RGS5: variants seen among roughly 807,000 people sequenced by gnomAD.
RGS5 encodes regulator of G protein signaling 5.
In RGS5, 20 loss-of-function variants were observed where a neutral mutation model predicts 18.9. That is an observed-to-expected ratio of 1.06 (90% CI 0.74 to 1.54). The LOEUF (loss-of-function observed/expected upper bound fraction) is 1.54, where lower values mean the gene tolerates loss of function less well. Among genes scored for constraint, RGS5 ranks in the 40% most tolerant of loss-of-function variants. The pLI is 0.00. For missense variants in RGS5, 201 were observed against 211.8 expected, an observed-to-expected ratio of 0.95 and a Z score of 0.32; for synonymous variants, 57 against 76.2, an observed-to-expected ratio of 0.75 and a Z score of 1.31.
chr1:163,243,343 C>T (rs1647839455), intron 2 of RGS5, among the ~76,000 whole-genome samples: 1 of 151,996 alleles, frequency 6.6e-6, no homozygotes, highest in East Asian at 1.9e-4. Context: ...TTAATGCATG[C>T]AGGGCTTAAA....
rs772276246 is a variant in RGS5 at position 163,142,307 on chromosome 1, T to C, written c.*5035A>G. Reference sequence around the variant, plus strand: ...AAGGAGGACTCATATGAGGCTGTTATATAGATATATATTTAATATAATATG... The same window carrying C: ...AAGGAGGACTCATATGAGGCTGTTACATAGATATATATTTAATATAATATG... On this transcript the variant is annotated 3_prime_UTR_variant, in exon 5 of 5. Coordinates refer to ENST00000313961, the MANE Select transcript of RGS5 (RefSeq NM_003617.4). 6.6e-6 allele frequency: 1 copy of C among 152,180 alleles called. No individual in the cohort carries two copies. The highest frequency in any genetic ancestry group is 1.5e-5 in the Non-Finnish European group (1 of 68,030). The allele number at this position is 152,180 out of a possible 1,614,324, so 9.4% of individuals were successfully genotyped here. A position where few individuals can be genotyped will look rare whatever the true frequency, so the allele number is the denominator to read the frequency against.
intron 3 of RGS5, among the ~76,000 whole-genome samples, chr1:163,160,801 A>G (rs1436356334): frequency 7.2e-5 from 11 of 152,334 alleles, no homozygotes; most frequent in Admixed American, 6.5e-4. Context: ...TTCTTGTTAT[A>G]AAGATGGAGA....
At chr1:163,193,640 A>C (rs1378561098) in intron 1 of RGS5, among the ~76,000 whole-genome samples, 1 of 152,130 alleles carries the variant, frequency 6.6e-6, no homozygotes. Flanking sequence ...TATGTTCCTA[A>C]TCTGGTTGGA....
At chr1:163,167,894 A>C (rs921730653) in intron 2 of RGS5, among the ~76,000 whole-genome samples, 1 of 152,304 alleles carries the variant, frequency 6.6e-6, no homozygotes, top group Admixed American at 6.5e-5. Flanking sequence ...GCTCATAATT[A>C]ACTGGATCAG....
At chr1:163,226,412 C>A (rs917193128) in intron 2 of RGS5, among the ~76,000 whole-genome samples, 2 of 152,122 alleles carry the variant, frequency 1.3e-5, no homozygotes, top group Non-Finnish European at 2.9e-5. Flanking sequence ...TGGAGTTAAA[C>A]TTAAAAGTTT....
chr1:163,233,126 A>C (rs1046742921), intron 2 of RGS5, among the ~76,000 whole-genome samples: 1 of 152,240 alleles, frequency 6.6e-6, no homozygotes, highest in Non-Finnish European at 1.5e-5. Flanking sequence ...TTTTTAAAAA[A>C]TATTTCTCCA....
At chr1:163,240,808 C>T (rs1021452448) in intron 2 of RGS5, among the ~76,000 whole-genome samples, 1 of 152,194 alleles carries the variant, frequency 6.6e-6, no homozygotes, top group African/African-American at 2.4e-5. Flanking sequence ...TGAGCCACTG[C>T]ACCAGGCCAA....
chr1:163,154,382 C>A (rs1657505066), intron 3 of RGS5, among the ~76,000 whole-genome samples: 1 of 152,064 alleles, frequency 6.6e-6, no homozygotes, highest in African/African-American at 2.4e-5. Flanking sequence ...AAAAGAATGG[C>A]TAGGATGATC....
At chr1:163,225,923 AT>A (rs113155202) in intron 2 of RGS5, among the ~76,000 whole-genome samples, 90,062 of 147,794 alleles carry the variant, frequency 0.61, 28,978 homozygotes, top group African/African-American at 0.85. Context: ...ATCACAAGTA[AT>A]TTTTTTTTTT....
At chr1:163,161,536 T>C (rs2102393158) in intron 3 of RGS5, 1 of 179,040 alleles carries the variant, frequency 5.6e-6, no homozygotes, top group South Asian at 1.3e-4. Flanking sequence ...GCGATCTTTA[T>C]GCTGCTATAT....
At chr1:163,207,253 T>C (rs915110965), upstream of RGS5, among the ~76,000 whole-genome samples, 44 of 152,354 alleles carry the variant, frequency 2.9e-4, no homozygotes, top group African/African-American at 1.0e-3. Flanking sequence ...TATGCAAATA[T>C]AATTGAATTT....
At position 163,317,660 on chromosome 1, in the gene RGS5, T is replaced by G. The variant is rs143028891; in HGVS notation, c.-378+3962A>C. Among the ~76,000 whole-genome samples, 395 of 152,326 alleles carry G rather than the reference T, an allele frequency of 2.6e-3. 4 individuals carry two copies. Among genetic ancestry groups the G allele is most frequent in the African/African-American group, 8.0e-3 (333 of 41,552 alleles). ...TAGCCTTAAGAAGGAGTCCAAACTT[T>G]GTGACATCATCACTAATGTTCTTCA... On this transcript the variant is annotated intron_variant, in intron 1 of 5. Transcript: ENST00000618415.
intron 1 of RGS5, among the ~76,000 whole-genome samples, chr1:163,198,677 C>A (rs1225803106): frequency 6.6e-6 from 1 of 152,062 alleles, no homozygotes. Context: ...TGCACCCAGG[C>A]TGGAGTGCAA....
intron 2 of RGS5, among the ~76,000 whole-genome samples, chr1:163,297,824 C>T (rs1211427322): frequency 6.6e-6 from 1 of 152,042 alleles, no homozygotes; most frequent in African/African-American, 2.4e-5. Flanking sequence ...AATAGTTTCA[C>T]AAAACAATTA....
chr1:163,210,169 T>A (rs1660070085), intron 1 of RGS5, among the ~76,000 whole-genome samples: 1 of 151,558 alleles, frequency 6.6e-6, no homozygotes, highest in African/African-American at 2.4e-5. Context: ...TTTTTTTTCG[T>A]ATTTTTTGGG....
intron 2 of RGS5, among the ~76,000 whole-genome samples, chr1:163,269,624 T>A (rs1388820758): frequency 1.3e-5 from 2 of 152,190 alleles, no homozygotes; most frequent in Admixed American, 1.3e-4. Flanking sequence ...ATGTTATTAC[T>A]AAATCCATTT....
rs372188053 is a variant in RGS5 at position 163,241,258 on chromosome 1, C to G, written c.-281+64975G>C. ...ATGGCAGATTGTTGTTGTTGTTGTTCTTAACTGTATCCCCAGTTCTTAAAA... is the reference window on the plus strand; with the variant it reads ...ATGGCAGATTGTTGTTGTTGTTGTTGTTAACTGTATCCCCAGTTCTTAAAA... On this transcript the variant is annotated intron_variant, in intron 2 of 5. Transcript: ENST00000618415. Among the ~76,000 whole-genome samples the G allele has an allele frequency of 7.2e-5, 11 of 152,224 alleles. No individual in the cohort carries two copies. In the East Asian group the frequency reaches 7.7e-4, roughly 11 times the overall value.
intron 2 of RGS5, among the ~76,000 whole-genome samples, chr1:163,272,928 T>C (rs1361405264): frequency 1.3e-5 from 2 of 152,170 alleles, no homozygotes; most frequent in African/African-American, 4.8e-5. Context: ...ACTCGTGGTT[T>C]TGTTTCCATT....
Position 163,145,306 on chromosome 1 carries a change from T to C in RGS5, c.*2036A>G, listed in dbSNP as rs1657087164. 1 of 152,204 alleles carries C rather than the reference T, an allele frequency of 6.6e-6. No individual in the cohort carries two copies. The highest frequency in any genetic ancestry group is 2.4e-5 in the African/African-American group (1 of 41,460). The allele number at this position is 152,204 out of a possible 1,614,324, so 9.4% of individuals were successfully genotyped here. A position where few individuals can be genotyped will look rare whatever the true frequency, so the allele number is the denominator to read the frequency against. ...AATACTTGAATTTTAAATAATTAAA[T>C]TGTTTCTTCAAATGTTTTAGCGTTT... On this transcript the variant is annotated 3_prime_UTR_variant, in exon 5 of 5. Transcript: ENST00000313961.
Sources: gnomAD v4.1 joint callset for allele counts (sites outside exome capture counted in the v4.1 genomes callset) on GRCh38, gnomAD v4.1.1 for gene constraint, MANE v1.5 for transcripts, NCBI Gene and HGNC (gene_info 2026-07-23, HGNC 2026-07-21) for gene names.